The following TBL1XR1 variants were observed in gnomAD, a reference collection of about 807,000 sequenced individuals.
The protein encoded by TBL1XR1 is F-box-like/WD repeat-containing protein TBL1XR1.
TBL1XR1 carries 5 observed loss-of-function variants against 66.9 expected under a neutral mutation model. The ratio of observed to expected loss-of-function variants is 0.07; its 90% CI spans 0.04 to 0.16. The LOEUF is 0.16. Among genes scored for constraint, TBL1XR1 ranks in the 10% least tolerant of loss-of-function variants. TBL1XR1 has a pLI of 1.00. For synonymous variants in TBL1XR1, 210 were observed against 206.0 expected (o/e 1.02, Z -0.17); for missense variants, 238 against 623.2 (o/e 0.38, Z 6.58).
intron 2 of TBL1XR1, chr3:177,079,575 G>C (rs960091319): frequency 4.6e-5 from 7 of 151,804 alleles, no homozygotes; most frequent in Admixed American, 4.6e-4. Flanking sequence ...TGTTGCTACA[G>C]TGCGTGATAA....
At chr3:177,031,795 T>G (rs1714045820) in intron 14 of TBL1XR1, among the ~76,000 whole-genome samples, 1 of 151,176 alleles carries the variant, frequency 6.6e-6, no homozygotes, top group South Asian at 2.1e-4. Flanking sequence ...ATTAAAAAAT[T>G]TTATTAAAAT....
chr3:177,150,831 A>T (rs1367278270), intron 1 of TBL1XR1, among the ~76,000 whole-genome samples: 1 of 152,166 alleles, frequency 6.6e-6, no homozygotes, highest in Non-Finnish European at 1.5e-5. Flanking sequence ...GTGAGGTATT[A>T]ATAAGGAGAA....
intron 1 of TBL1XR1, among the ~76,000 whole-genome samples, chr3:177,190,103 A>T (rs1735948656): frequency 7.4e-6 from 1 of 135,344 alleles, no homozygotes; most frequent in African/African-American, 2.8e-5. Flanking sequence ...ATTGCACTCC[A>T]GCCCGGGCAA....
intron 12 of TBL1XR1, among the ~76,000 whole-genome samples, chr3:177,035,016 C>T (rs957207661): frequency 6.6e-6 from 1 of 152,010 alleles, no homozygotes; most frequent in Admixed American, 6.5e-5. Context: ...ATACAACATG[C>T]CAAACCCAAG....
chr3:177,151,430 G>T (rs1169937587), intron 1 of TBL1XR1, among the ~76,000 whole-genome samples: 1 of 152,160 alleles, frequency 6.6e-6, no homozygotes, highest in Non-Finnish European at 1.5e-5. Context: ...TATCAGATCA[G>T]CTACAGCATT....
intron 12 of TBL1XR1, among the ~76,000 whole-genome samples, chr3:177,036,537 G>A (rs1013502149): frequency 1.3e-5 from 2 of 152,212 alleles, no homozygotes; most frequent in Non-Finnish European, 2.9e-5. Flanking sequence ...TGTGGCACAA[G>A]GCCCTCTGGA....
intron 1 of TBL1XR1, among the ~76,000 whole-genome samples, chr3:177,122,090 T>C (rs918759584): frequency 3.4e-4 from 52 of 152,152 alleles, no homozygotes; most frequent in Non-Finnish European, 1.5e-5. Flanking sequence ...CGTTTTATTC[T>C]ATTAATTAAA....
At chr3:177,029,910 A>T (rs549631369) in intron 14 of TBL1XR1, among the ~76,000 whole-genome samples, 3 of 152,222 alleles carry the variant, frequency 2.0e-5, no homozygotes, top group African/African-American at 7.2e-5. Context: ...AAAATGTTTC[A>T]TATCCATGTA....
intron 1 of TBL1XR1, among the ~76,000 whole-genome samples, chr3:177,180,857 C>T (rs1177464208): frequency 6.6e-6 from 1 of 152,014 alleles, no homozygotes; most frequent in Non-Finnish European, 1.5e-5. Flanking sequence ...CTGCCTCAGC[C>T]TCTGGAGTAG....
At chr3:177,028,997 C>T (rs1489488973) in intron 14 of TBL1XR1, among the ~76,000 whole-genome samples, 2 of 151,670 alleles carry the variant, frequency 1.3e-5, no homozygotes, top group Non-Finnish European at 2.9e-5. Context: ...ATACCTCACA[C>T]CATATATAAA....
intron 2 of TBL1XR1, among the ~76,000 whole-genome samples, chr3:177,084,703 T>A (rs939881273): frequency 2.0e-5 from 3 of 152,206 alleles, no homozygotes; most frequent in African/African-American, 4.8e-5. Context: ...TACTCTGCAG[T>A]GCAATGTTAG....
chr3:177,027,849 G>A (rs1015838445), intron 14 of TBL1XR1: 8 of 152,148 alleles, frequency 5.3e-5, no homozygotes, highest in African/African-American at 1.7e-4. Flanking sequence ...TTAAGTTCAA[G>A]TATAGTAGGC....
Position 177,023,751 on chromosome 3 carries a change from G to A in TBL1XR1, c.*1747C>T, listed in dbSNP as rs1712696912. The stretch of plus-strand genomic sequence containing the variant: ...AAATCAATCAAAGCTGCATTACTTG[G>A]GTTAAATCAGTTTCTACTTAGAACA... On this transcript the variant is annotated 3_prime_UTR_variant, in exon 16 of 16. Transcript: ENST00000457928. 1 of 152,396 alleles carries A rather than the reference G, an allele frequency of 6.6e-6. No homozygotes were observed. Among genetic ancestry groups the A allele is most frequent in the Non-Finnish European group, 1.5e-5 (1 of 67,922 alleles). The allele number at this position is 152,396 out of a possible 1,614,324, so 9.4% of individuals were successfully genotyped here.
chr3:177,124,380 A>C (rs1727354078), intron 1 of TBL1XR1, among the ~76,000 whole-genome samples: 1 of 152,128 alleles, frequency 6.6e-6, no homozygotes, highest in Admixed American at 6.5e-5. Flanking sequence ...CTGTACTTTT[A>C]ATGACCCATC....
rs1728027051 is a variant in TBL1XR1, at chr3:177,129,465, C to T, written c.-121-30924G>A. On this transcript the variant is annotated intron_variant, in intron 1 of 15. Coordinates refer to ENST00000457928, the MANE Select transcript of TBL1XR1 (RefSeq NM_024665.7). ...TTGGATGAATCTCAGTAAAATAAAT[C>T]TCTTATAATGCTGAGAAAAACAAGC... 2.6e-5 allele frequency among the ~76,000 whole-genome samples: 4 copies of T among 152,290 alleles called. No individual in the cohort carries two copies. In the South Asian group the frequency reaches 8.3e-4, roughly 32 times the overall value.
Position 177,143,778 on chromosome 3 carries a change from G to T in TBL1XR1, c.-121-45237C>A, listed in dbSNP as rs1429884857. Among the ~76,000 whole-genome samples, 122 of 152,326 alleles carry T rather than the reference G, an allele frequency of 8.0e-4. No homozygotes were observed. The South Asian group carries it at 0.023, about 29-fold the overall frequency. On this transcript the variant is annotated intron_variant, in intron 1 of 15. Transcript: ENST00000457928. The stretch of plus-strand genomic sequence containing the variant: ...AATTATATAAGATGGGTCTCTGATA[G>T]TTCATTCAGGCTCTAACAGAATTAA...
At chr3:177,180,478 G>A (rs967977666) in intron 1 of TBL1XR1, among the ~76,000 whole-genome samples, 12 of 148,146 alleles carry the variant, frequency 8.1e-5, no homozygotes, top group Middle Eastern at 3.6e-3. Context: ...TTTTTAATCT[G>A]CTGACGACTT....
chr3:177,143,509 ATATT>A (rs1729875666), intron 1 of TBL1XR1, among the ~76,000 whole-genome samples: 1 of 152,164 alleles, frequency 6.6e-6, no homozygotes, highest in Non-Finnish European at 1.5e-5. Context: ...GGGCAGGGGG[ATATT>A]TATTCCTAAA....
At chr3:177,168,100 T>C (rs1377400790) in intron 1 of TBL1XR1, among the ~76,000 whole-genome samples, 1 of 152,140 alleles carries the variant, frequency 6.6e-6, no homozygotes, top group Non-Finnish European at 1.5e-5. Context: ...GAGATAAATA[T>C]ATAAACAATA....
Sources: gnomAD v4.1 joint callset for allele counts (sites outside exome capture counted in the v4.1 genomes callset) on GRCh38, gnomAD v4.1.1 for gene constraint, MANE v1.5 for transcripts, NCBI Gene and HGNC (gene_info 2026-07-23, HGNC 2026-07-21) for gene names.